Variants in CRYBG1 observed in about 807,000 individuals in gnomAD.
The protein encoded by CRYBG1 is beta/gamma crystallin domain-containing protein 1.
A neutral mutation model predicts 189.2 loss-of-function variants in CRYBG1; 139 were observed. That is an observed-to-expected ratio of 0.73 (90% confidence interval 0.64 to 0.85). CRYBG1 has a LOEUF of 0.85. Among genes scored for constraint, CRYBG1 ranks in the 40% least tolerant of loss-of-function variants. CRYBG1 has a pLI of 0.00. For synonymous variants in CRYBG1, 1,023 were observed against 1,017.1 expected (o/e 1.01, Z -0.11); for missense variants, 2,611 against 2,675.8 (o/e 0.98, Z 0.53).
intron 2 of CRYBG1, among the ~76,000 whole-genome samples, chr6:106,501,555 A>G (rs1773011107): frequency 1.3e-5 from 2 of 152,218 alleles, no homozygotes; most frequent in African/African-American, 4.8e-5. Context: ...CATCAGCAAA[A>G]TATCGCACTG....
chr6:106,441,392 C>T (rs1354940924), intron 1 of CRYBG1, among the ~76,000 whole-genome samples: 1 of 152,098 alleles, frequency 6.6e-6, no homozygotes, highest in Non-Finnish European at 1.5e-5. Flanking sequence ...CTTGCCTCTG[C>T]ACCTTAGAGA....
intron 18 of CRYBG1, among the ~76,000 whole-genome samples, chr6:106,560,287 C>T (rs768571556): frequency 1.1e-4 from 17 of 152,194 alleles, no homozygotes; most frequent in Non-Finnish European, 2.1e-4. Flanking sequence ...GCTGCTTCCA[C>T]GCCAGTCTGC....
At chr6:106,423,925 G>A (rs559649960) in intron 1 of CRYBG1, among the ~76,000 whole-genome samples, 11 of 151,826 alleles carry the variant, frequency 7.2e-5, no homozygotes, top group East Asian at 1.9e-4. Context: ...GGCTGGTCTC[G>A]AACTCCTGGG....
intron 1 of CRYBG1, among the ~76,000 whole-genome samples, chr6:106,395,128 C>T (rs1582739109): frequency 6.6e-6 from 1 of 151,896 alleles, no homozygotes; most frequent in East Asian, 1.9e-4. Flanking sequence ...GGCACAGTGG[C>T]TCATGCCTGT....
At chr6:106,542,349 C>T (rs1487453441) in intron 10 of CRYBG1, among the ~76,000 whole-genome samples, 1 of 147,406 alleles carries the variant, frequency 6.8e-6, no homozygotes, top group Non-Finnish European at 1.5e-5. Context: ...GTGGCACCAT[C>T]ACGGCTCACT....
intron 8 of CRYBG1, among the ~76,000 whole-genome samples, chr6:106,532,409 T>C (rs1350325052): frequency 6.6e-6 from 1 of 152,162 alleles, no homozygotes; most frequent in Non-Finnish European, 1.5e-5. Flanking sequence ...TTCATTTCCT[T>C]TGGATATATA....
At chr6:106,541,510 G>A (rs2114570351) in intron 9 of CRYBG1, 76 bp from the exon 10 acceptor site, 1 of 1,373,938 alleles carries the variant, frequency 7.3e-7, no homozygotes, top group Non-Finnish European at 1.0e-6. Context: ...ATGTTTTACT[G>A]TAAACTGCTA....
At chr6:106,459,816 A>G (rs532562174) in intron 2 of CRYBG1, among the ~76,000 whole-genome samples, 4 of 152,294 alleles carry the variant, frequency 2.6e-5, no homozygotes, top group Non-Finnish European at 5.9e-5. Context: ...AAAAGCTTGC[A>G]TATTTAAAAA....
rs563432589 is a variant in CRYBG1 at position 106,543,682 on chromosome 6, A to C, written c.5039+85A>C. ...GTGCCCTTTCCCCCCTAAAAACAAC[A>C]TTCCTGATTCTATAGTATGGTGAAT... On this transcript the variant is annotated intron_variant, in intron 11 of 21. Coordinates refer to ENST00000633556, the MANE Select transcript of CRYBG1 (RefSeq NM_001371242.2). 79 of 1,384,066 alleles carry C rather than the reference A, an allele frequency of 5.7e-5. 1 individual carries two copies. In the African/African-American group the frequency reaches 9.0e-4, roughly 16 times the overall value. The allele number at this position is 1,384,066 out of a possible 1,614,324, so 85.7% of individuals were successfully genotyped here.
chr6:106,502,824 A>G (rs11966303), intron 2 of CRYBG1, among the ~76,000 whole-genome samples: 41,273 of 152,098 alleles, frequency 0.27, 6,228 homozygotes, highest in African/African-American at 0.4. Context: ...AAGGGCTAAA[A>G]AAAACCTTAG....
At chr6:106,557,585 GTGTTTGTT>G (rs754356715) in intron 17 of CRYBG1, among the ~76,000 whole-genome samples, 3 of 151,300 alleles carry the variant, frequency 2.0e-5, no homozygotes, top group Non-Finnish European at 4.4e-5. Flanking sequence ...TAATTTTTTT[GTGTTTGTT>G]TGTTTGTTTT....
intron 3 of CRYBG1, among the ~76,000 whole-genome samples, chr6:106,513,322 TA>T (rs1211681035): frequency 6.6e-6 from 1 of 152,208 alleles, no homozygotes; most frequent in African/African-American, 2.4e-5. Flanking sequence ...AGATGAGAGA[TA>T]AGACCTCATG....
intron 2 of CRYBG1, among the ~76,000 whole-genome samples, chr6:106,466,327 T>A (rs2114460114): frequency 6.6e-6 from 1 of 152,252 alleles, no homozygotes; most frequent in Admixed American, 6.5e-5. Flanking sequence ...AGGAGAGGGA[T>A]TCAAGTACCC....
At position 106,503,994 on chromosome 6, in the gene CRYBG1, A is replaced by C. The variant is rs1434812991; in HGVS notation, c.313-7436A>C. Reference sequence around the variant, plus strand: ...TATACCTTTGATTGTACCCAACAGGATGATATTATTGTTTGGCCTGAAGTG... The same window carrying C: ...TATACCTTTGATTGTACCCAACAGGCTGATATTATTGTTTGGCCTGAAGTG... On this transcript the variant is annotated intron_variant, in intron 2 of 21. Coordinates refer to ENST00000633556, the MANE Select transcript of CRYBG1 (RefSeq NM_001371242.2). Among the ~76,000 whole-genome samples, 32 of 142,704 alleles carry C rather than the reference A, an allele frequency of 2.2e-4. No individual in the cohort carries two copies. In the Admixed American group the frequency reaches 2.3e-3, roughly 10 times the overall value. 93.6% of individuals were successfully genotyped at this position (142,704 alleles called of 152,430 possible). A position where few individuals can be genotyped will look rare whatever the true frequency, so the allele number is the denominator to read the frequency against.
chr6:106,435,267 G>T (rs1295883228), intron 1 of CRYBG1, among the ~76,000 whole-genome samples: 4 of 151,934 alleles, frequency 2.6e-5, no homozygotes, highest in Non-Finnish European at 4.4e-5. Context: ...CTCAGCTCAA[G>T]CCATCCTCCT....
intron 13 of CRYBG1, among the ~76,000 whole-genome samples, 180 bp from the exon 14 acceptor site, chr6:106,551,672 A>T (rs1253462533): frequency 1.3e-5 from 2 of 152,242 alleles, no homozygotes; most frequent in African/African-American, 4.8e-5. Flanking sequence ...CTGGCTTACC[A>T]TTCTGATTTG....
At chr6:106,363,531 G>T (rs529825756) in intron 1 of CRYBG1, among the ~76,000 whole-genome samples, 39 of 152,256 alleles carry the variant, frequency 2.6e-4, no homozygotes, top group African/African-American at 9.4e-4. Flanking sequence ...TTTGCCCAGT[G>T]TGGCTCTCTT....
chr6:106,520,754 C>T lies in CRYBG1; in HGVS notation c.3546C>T (p.Asp1182=), dbSNP rs773427826. ...CTTTACATTTGATGCAGAACCTTGA[C>T]ACAAAATCCAAACTGAGACCCAAAC... ...SPALHLMQNL[D]TKSKLRPKRA... is the part of the protein sequence containing the mutation. Residue 1182 remains aspartate (D), a synonymous_variant, in exon 4 of 22, where the codon GAC becomes GAT. Transcript: ENST00000633556. 6.2e-7 allele frequency: 1 copy of T among 1,614,120 alleles called. No homozygotes were observed. The highest frequency in any genetic ancestry group is 8.5e-7 in the Non-Finnish European group (1 of 1,180,032).
chr6:106,406,004 A>G (rs1427640009), intron 1 of CRYBG1, among the ~76,000 whole-genome samples: 1 of 152,216 alleles, frequency 6.6e-6, no homozygotes, highest in Non-Finnish European at 1.5e-5. Flanking sequence ...CCAGCAAGGG[A>G]ACAAAACTGG....
Sources: allele counts gnomAD v4.1 joint callset (sites outside exome capture counted in the v4.1 genomes callset), GRCh38; gene constraint gnomAD v4.1.1; transcripts MANE v1.5; gene names NCBI Gene and HGNC (gene_info 2026-07-23, HGNC 2026-07-21).